The following SH3RF2 variants were observed in gnomAD, a reference collection of about 807,000 sequenced individuals.
SH3RF2 encodes the protein E3 ubiquitin-protein ligase SH3RF2.
Under a neutral mutation model 59.0 loss-of-function variants are expected in SH3RF2, and 43 were observed. The observed-to-expected ratio is 0.73, with a 90% CI of 0.57 to 0.94. The LOEUF (loss-of-function observed/expected upper bound fraction) is 0.94, where lower values mean the gene tolerates loss of function less well. SH3RF2 is among the 40% of genes least tolerant of loss of function. The pLI is 0.00. For missense variants in SH3RF2, 930 were observed against 940.1 expected, an observed-to-expected ratio of 0.99 and a Z score of 0.14; for synonymous variants, 391 against 391.5, an observed-to-expected ratio of 1.00 and a Z score of 0.01.
At chr5:146,028,595 CCCACCA>C (rs141393261) in intron 5 of SH3RF2, among the ~76,000 whole-genome samples, 44,001 of 152,018 alleles carry the variant, frequency 0.29, 7,730 homozygotes, top group Non-Finnish European at 0.38. Context: ...GCCTGTAGCA[CCCACCA>C]CCACCACCCA....
chr5:145,965,601 T>A (rs1417063675), intron 2 of SH3RF2, among the ~76,000 whole-genome samples: 1 of 152,164 alleles, frequency 6.6e-6, no homozygotes, highest in Non-Finnish European at 1.5e-5. Flanking sequence ...TATTATGAGG[T>A]TTTGAAAGTG....
chr5:145,939,115 C>A (rs189726097), intron 2 of SH3RF2, among the ~76,000 whole-genome samples: 5 of 152,200 alleles, frequency 3.3e-5, no homozygotes, highest in African/African-American at 1.2e-4. Flanking sequence ...GGCTATGAAC[C>A]TTGTTGTGGG....
chr5:145,962,146 G>GTA (rs1758652786), intron 2 of SH3RF2, among the ~76,000 whole-genome samples: 1 of 152,146 alleles, frequency 6.6e-6, no homozygotes, highest in Admixed American at 6.5e-5. Context: ...AGCAATTGCT[G>GTA]TACCAAAGGT....
chr5:146,017,433 T>G (rs185089), intron 5 of SH3RF2, among the ~76,000 whole-genome samples: 50,782 of 151,818 alleles, frequency 0.33, 8,969 homozygotes, highest in Non-Finnish European at 0.38. Flanking sequence ...AGGATGTGGA[T>G]CCTGCTCGCC....
At chr5:146,004,352 G>A (rs1325870723) in intron 4 of SH3RF2, among the ~76,000 whole-genome samples, 199 bp downstream of exon 4, 1 of 152,072 alleles carries the variant, frequency 6.6e-6, no homozygotes, top group Non-Finnish European at 1.5e-5. Context: ...TCTCCTGATG[G>A]GAATGTAAAT....
chr5:145,955,959 AG>A (rs1758391812), intron 2 of SH3RF2, among the ~76,000 whole-genome samples: 1 of 152,204 alleles, frequency 6.6e-6, no homozygotes, highest in Admixed American at 6.5e-5. Context: ...GAGACAGGAT[AG>A]GGAGAAAATT....
rs751796789 is a variant in SH3RF2 at position 146,000,264 on chromosome 5, C to T, written c.585C>T (p.Leu195=). The part of the protein sequence containing the change: ...LPQPPPLCRA[L]YNFDLRGKDK... ...AGCCGCCCCCGCTCTGCAGGGCCCT[C>T]TACAACTTCGACCTACGAGGCAAGG... The change falls in exon 3 of 10, where the codon CTC becomes CTT. Residue 195 remains leucine (L), a synonymous_variant. Coordinates refer to ENST00000359120, the MANE Select transcript of SH3RF2 (RefSeq NM_152550.4). The T allele has an allele frequency of 6.2e-7, 1 of 1,613,884 alleles. No individual in the cohort carries two copies. The highest frequency in any genetic ancestry group is 8.5e-7 in the Non-Finnish European group (1 of 1,179,942).
intron 5 of SH3RF2, among the ~76,000 whole-genome samples, chr5:146,020,155 G>A (rs1359364560): frequency 6.6e-6 from 1 of 152,142 alleles, no homozygotes; most frequent in Non-Finnish European, 1.5e-5. Flanking sequence ...TTTGCACAAT[G>A]TCTCAAGGGT....
At chr5:146,020,564 T>G (rs1260570365) in intron 5 of SH3RF2, among the ~76,000 whole-genome samples, 1 of 152,230 alleles carries the variant, frequency 6.6e-6, no homozygotes, top group Non-Finnish European at 1.5e-5. Flanking sequence ...CGCAGAATTA[T>G]TTCTCTCATA....
chr5:146,056,237 T>C, intron 8 of SH3RF2, 24 bp downstream of exon 8: 1 of 1,613,898 alleles, frequency 6.2e-7, no homozygotes, highest in Non-Finnish European at 8.5e-7. Flanking sequence ...GAGAGGTACG[T>C]GCCTAGAGCT....
chr5:146,047,944 A>G, intron 6 of SH3RF2, 81 bp downstream of exon 6: 1 of 1,334,270 alleles, frequency 7.5e-7, no homozygotes, highest in South Asian at 1.2e-5. Flanking sequence ...ATCTAGCATC[A>G]CCATTCCCAA....
intron 2 of SH3RF2, among the ~76,000 whole-genome samples, chr5:145,968,986 T>C (rs1375929223): frequency 6.6e-6 from 1 of 152,242 alleles, no homozygotes; most frequent in Non-Finnish European, 1.5e-5. Context: ...TACTTTTTAA[T>C]TATATACATT....
chr5:146,013,155 G>A (rs1294177057), intron 4 of SH3RF2, among the ~76,000 whole-genome samples: 1 of 152,194 alleles, frequency 6.6e-6, no homozygotes, highest in Non-Finnish European at 1.5e-5. Flanking sequence ...ATAAACTTGA[G>A]CAACTTCATT....
At chr5:145,998,783 C>G (rs1330017122) in intron 2 of SH3RF2, among the ~76,000 whole-genome samples, 1 of 152,062 alleles carries the variant, frequency 6.6e-6, no homozygotes. Flanking sequence ...TGGTGGTGTG[C>G]GCCTGTAATC....
chr5:146,013,698 A>C (rs766970590), intron 4 of SH3RF2, 49 bp from the exon 5 acceptor site: 2 of 1,603,678 alleles, frequency 1.2e-6, no homozygotes, highest in South Asian at 2.2e-5. Flanking sequence ...CTGGCTACTC[A>C]CATTAGATCA....
At chr5:146,064,767 G>GAAGGAAGGAAAGA (rs1763037554), downstream of SH3RF2, among the ~76,000 whole-genome samples, 2 of 26,360 alleles carry the variant, frequency 7.6e-5, no homozygotes, top group African/African-American at 1.2e-4. Flanking sequence ...AGGAAGGAAG[G>GAAGGAAGGAAAGA]AAGGAAGGAA....
chr5:145,978,753 T>C (rs1457643302), intron 2 of SH3RF2, among the ~76,000 whole-genome samples: 1 of 151,948 alleles, frequency 6.6e-6, no homozygotes, highest in Non-Finnish European at 1.5e-5. Flanking sequence ...GTGTGAACAA[T>C]CTCATAATAA....
chr5:145,954,754 G>A (rs1324699442), intron 2 of SH3RF2, among the ~76,000 whole-genome samples: 1 of 152,154 alleles, frequency 6.6e-6, no homozygotes, highest in Non-Finnish European at 1.5e-5. Context: ...TCTGCAGGCT[G>A]TCCAGGCAGC....
At chr5:145,987,634 T>C (rs2149974269) in intron 2 of SH3RF2, among the ~76,000 whole-genome samples, 1 of 152,340 alleles carries the variant, frequency 6.6e-6, no homozygotes, top group South Asian at 2.1e-4. Flanking sequence ...CTTGCAATTA[T>C]ATATTTATGT....
Sources: gnomAD v4.1 joint callset for allele counts (sites outside exome capture counted in the v4.1 genomes callset) on GRCh38, gnomAD v4.1.1 for gene constraint, MANE v1.5 for transcripts, NCBI Gene and HGNC (gene_info 2026-07-23, HGNC 2026-07-21) for gene names.